Variants in CYP27A1 observed in about 807,000 individuals in gnomAD.
CYP27A1 encodes sterol 26-hydroxylase, mitochondrial.
CYP27A1 carries 46 observed loss-of-function variants against 58.2 expected under a neutral mutation model. The observed-to-expected ratio is 0.79, with a 90% confidence interval of 0.62 to 1.01. The LOEUF (loss-of-function observed/expected upper bound fraction) is 1.01. Among genes scored for constraint, CYP27A1 ranks in the 50% least tolerant of loss-of-function variants. The pLI, the probability that CYP27A1 is intolerant of heterozygous loss-of-function variation, is 0.00. For missense variants in CYP27A1, 704 were observed against 687.0 expected, an observed-to-expected ratio of 1.02 and a Z score of -0.28; for synonymous variants, 274 against 285.1, an observed-to-expected ratio of 0.96 and a Z score of 0.39.
chr2:218,786,278 T>C (rs1943439720), intron 1 of CYP27A1, among the ~76,000 whole-genome samples: 1 of 152,136 alleles, frequency 6.6e-6, no homozygotes, highest in African/African-American at 2.4e-5. Context: ...CTTACCTCTG[T>C]GGAGGTTCAC....
At position 218,812,204 on chromosome 2, in the gene CYP27A1, T is replaced by A; in HGVS notation, c.447-18T>A. 1 of 1,608,688 alleles carries A rather than the reference T, an allele frequency of 6.2e-7. No individual in the cohort carries two copies. The highest frequency in any genetic ancestry group is 2.2e-5 in the East Asian group (1 of 44,850). ...CCATAGAGGCTTATCTTTGTGCTGT[T>A]CCTCTGCGTCCCTGCAGGGAAGGAC... is the stretch of plus-strand genomic sequence containing the variant. On this transcript the variant is annotated intron_variant, in intron 2 of 8. Transcript: ENST00000258415.
chr2:218,797,074 A>G (rs1291898248), intron 1 of CYP27A1, among the ~76,000 whole-genome samples: 2 of 152,264 alleles, frequency 1.3e-5, no homozygotes, highest in Admixed American at 6.5e-5. Flanking sequence ...TCTGGTTTAC[A>G]ATAACTTAAC....
At chr2:218,793,406 C>A (rs905247441) in intron 1 of CYP27A1, among the ~76,000 whole-genome samples, 1 of 152,164 alleles carries the variant, frequency 6.6e-6, no homozygotes. Flanking sequence ...AAAACCTGTA[C>A]TCTTTGATAA....
chr2:218,792,953 G>C (rs922040520), intron 1 of CYP27A1, among the ~76,000 whole-genome samples: 1 of 152,188 alleles, frequency 6.6e-6, no homozygotes, highest in African/African-American at 2.4e-5. Flanking sequence ...GCTGAAATCT[G>C]ATTTTTGGGA....
chr2:218,813,902 G>C lies in CYP27A1; in HGVS notation c.1018-119G>C. ...GCCATGAACCTGCATGTTTTTTCCTGCTAGGCTAGTGGCAAATTCATTTCT... is the reference window on the plus strand; with the variant it reads ...GCCATGAACCTGCATGTTTTTTCCTCCTAGGCTAGTGGCAAATTCATTTCT... On this transcript the variant is annotated intron_variant, in intron 5 of 8. Coordinates refer to ENST00000258415, the MANE Select transcript of CYP27A1 (RefSeq NM_000784.4). 2.7e-6 allele frequency: 3 copies of C among 1,122,508 alleles called. No individual in the cohort carries two copies. The South Asian group carries it at 3.9e-5, about 15-fold the overall frequency. 69.5% of individuals were successfully genotyped at this position (1,122,508 alleles called of 1,614,324 possible).
chr2:218,782,161 T>C lies in CYP27A1; in HGVS notation c.-22T>C. 1 of 1,533,932 alleles carries C rather than the reference T, an allele frequency of 6.5e-7. No homozygotes were observed. Among genetic ancestry groups the C allele is most frequent in the East Asian group, 2.5e-5 (1 of 40,778 alleles). ...GGGGACTCAGCACTCGACCCAAAGG[T>C]GCAGGCGCGCGAGCACAACCCATGG... On this transcript the variant is annotated 5_prime_UTR_variant, in exon 1 of 9. Transcript: ENST00000258415. The surrounding 1 kb of genome is among the most constrained non-coding windows in gnomAD (Gnocchi z 4.1).
chr2:218,790,724 G>C (rs1026814576), intron 1 of CYP27A1, among the ~76,000 whole-genome samples: 2 of 151,146 alleles, frequency 1.3e-5, no homozygotes, highest in Admixed American at 1.3e-4. Flanking sequence ...TTGAGATGGA[G>C]TCTCGCTCTG....
intron 1 of CYP27A1, among the ~76,000 whole-genome samples, chr2:218,797,749 C>G (rs879582291): frequency 3.3e-5 from 5 of 152,114 alleles, no homozygotes; most frequent in Non-Finnish European, 7.4e-5. Context: ...AAGCAAAAAG[C>G]CTTTTATAAC....
chr2:218,786,227 C>G (rs1223827347), intron 1 of CYP27A1, among the ~76,000 whole-genome samples: 5 of 152,148 alleles, frequency 3.3e-5, no homozygotes. Context: ...ATCCATGAGC[C>G]CACGATAGTG....
intron 2 of CYP27A1, among the ~76,000 whole-genome samples, chr2:218,810,923 G>A (rs1057242774): frequency 3.9e-5 from 6 of 152,062 alleles, no homozygotes; most frequent in East Asian, 1.9e-4. Flanking sequence ...CAAGGTGGGC[G>A]GATCATGAGG....
intron 1 of CYP27A1, among the ~76,000 whole-genome samples, chr2:218,787,083 A>G (rs1049576527): frequency 2.0e-5 from 3 of 152,154 alleles, no homozygotes; most frequent in South Asian, 2.1e-4. Context: ...AAATTACTGT[A>G]CCTGGCCATC....
chr2:218,797,381 C>T (rs1038641789), intron 1 of CYP27A1, among the ~76,000 whole-genome samples: 8 of 152,110 alleles, frequency 5.3e-5, no homozygotes, highest in South Asian at 2.1e-4. Flanking sequence ...ATTACAGGCA[C>T]GAGCCGTTGC....
chr2:218,808,279 T>C (rs915369699), intron 1 of CYP27A1, among the ~76,000 whole-genome samples: 1 of 152,178 alleles, frequency 6.6e-6, no homozygotes, highest in Non-Finnish European at 1.5e-5. Context: ...CTGTTCAAAA[T>C]TAGAACACAC....
chr2:218,803,198 A>T (rs886377760), intron 1 of CYP27A1, among the ~76,000 whole-genome samples: 2 of 152,148 alleles, frequency 1.3e-5, no homozygotes, highest in Admixed American at 6.5e-5. Context: ...GACTCGAGTG[A>T]TCTGCCTGCC....
At chr2:218,797,399 C>G (rs537622659) in intron 1 of CYP27A1, among the ~76,000 whole-genome samples, 41 of 152,222 alleles carry the variant, frequency 2.7e-4, no homozygotes, top group African/African-American at 9.4e-4. Flanking sequence ...TGCGCCTGGC[C>G]TTAATTATGA....
At chr2:218,783,257 C>CAAAAAAAAAAAAAAA (rs371442397) in intron 1 of CYP27A1, among the ~76,000 whole-genome samples, 7 of 79,428 alleles carry the variant, frequency 8.8e-5, no homozygotes, top group South Asian at 4.7e-4. Context: ...AACTCTGTCT[C>CAAAAAAAAAAAAAAA]AAAAAAAAAA....
chr2:218,812,736 C>T lies in CYP27A1; in HGVS notation c.831C>T (p.Ala277=), dbSNP rs1294713581. Residue 277 remains alanine (A), a synonymous_variant, in exon 4 of 9, where the codon GCC becomes GCT. Transcript: ENST00000258415. ...AGCGATACCTGGATGGTTGGAATGC[C>T]ATCTTTTCCTTTGGTGAGGACTCCC... ...FWKRYLDGWN[A]IFSFGKKLID... 1 of 1,614,090 alleles carries T rather than the reference C, an allele frequency of 6.2e-7. No homozygotes were observed. Among genetic ancestry groups the T allele is most frequent in the African/African-American group, 1.3e-5 (1 of 74,928 alleles).
At position 218,814,032 on chromosome 2, in the gene CYP27A1, G is replaced by A. The variant is rs771343931; in HGVS notation, c.1029G>A (p.Thr343=). 1.4e-5 allele frequency: 22 copies of A among 1,613,978 alleles called. No homozygotes were observed. Among genetic ancestry groups the A allele is most frequent in the East Asian group, 2.2e-5 (1 of 44,894 alleles). ...ACTCTATCTTCTAGACATCCAACAC[G>A]CTGACATGGGCCCTGTACCACCTCT... ...LMAGVDTTSN[T]LTWALYHLSK... is the part of the protein sequence containing the mutation. Residue 343 remains threonine, a synonymous_variant, in exon 6 of 9, where the codon ACG becomes ACA. Transcript: ENST00000258415.
chr2:218,809,890 G>A (rs1370457448), intron 2 of CYP27A1, 123 bp downstream of exon 2: 3 of 858,216 alleles, frequency 3.5e-6, no homozygotes, highest in Middle Eastern at 3.5e-4. Context: ...TGAGCCTGAT[G>A]GTCTAGAGAG....
Sources: gnomAD v4.1 joint callset for allele counts (sites outside exome capture counted in the v4.1 genomes callset) on GRCh38, gnomAD v4.1.1 for gene constraint, Gnocchi (gnomAD v3.1) non-coding constraint, MANE v1.5 for transcripts, NCBI Gene and HGNC (gene_info 2026-07-23, HGNC 2026-07-21) for gene names.